UNC5C: variants seen among roughly 807,000 people sequenced by gnomAD.
The protein encoded by UNC5C is unc-5 netrin receptor C.
Under a neutral mutation model 99.8 loss-of-function variants are expected in UNC5C, and 47 were observed. That is an observed-to-expected ratio of 0.47 (90% CI 0.37 to 0.60). The LOEUF (loss-of-function observed/expected upper bound fraction) is 0.60, where lower values mean the gene tolerates loss of function less well. Among genes scored for constraint, UNC5C ranks in the 20% least tolerant of loss-of-function variants. UNC5C has a pLI of 0.00. For synonymous variants in UNC5C, 487 were observed against 452.2 expected (o/e 1.08, Z -0.98); for missense variants, 1,062 against 1,165.9 (o/e 0.91, Z 1.30).
intron 2 of UNC5C, among the ~76,000 whole-genome samples, chr4:95,334,738 T>C (rs1211066044): frequency 6.6e-6 from 1 of 151,958 alleles, no homozygotes; most frequent in Non-Finnish European, 1.5e-5. Context: ...GGATGGTATT[T>C]ACAGAGCAGC....
intron 1 of UNC5C, among the ~76,000 whole-genome samples, chr4:95,538,017 T>C (rs1192483444): frequency 2.0e-5 from 3 of 152,204 alleles, no homozygotes; most frequent in Non-Finnish European, 4.4e-5. Flanking sequence ...CTCCATATGA[T>C]TTTTCTCAAA....
intron 1 of UNC5C, among the ~76,000 whole-genome samples, chr4:95,367,487 CCTT>C (rs1445782665): frequency 6.6e-6 from 1 of 151,794 alleles, no homozygotes; most frequent in Non-Finnish European, 1.5e-5. Flanking sequence ...CTTTTCCTGT[CCTT>C]CTTAACACTA....
intron 1 of UNC5C, among the ~76,000 whole-genome samples, chr4:95,425,483 A>G (rs1260269692): frequency 4.6e-5 from 7 of 152,100 alleles, no homozygotes; most frequent in Non-Finnish European, 2.9e-5. Context: ...CACCACGCCC[A>G]GCTAATTTTT....
chr4:95,267,342 T>C (rs1178065091), intron 4 of UNC5C, among the ~76,000 whole-genome samples: 1 of 152,216 alleles, frequency 6.6e-6, no homozygotes, highest in East Asian at 1.9e-4. Flanking sequence ...ATATTTAATG[T>C]ATTTTCTGAG....
At chr4:95,398,345 G>A (rs548693383) in intron 1 of UNC5C, among the ~76,000 whole-genome samples, 1 of 152,168 alleles carries the variant, frequency 6.6e-6, no homozygotes, top group African/African-American at 2.4e-5. Flanking sequence ...TGACCCCAGT[G>A]CTCCCCAACT....
intron 1 of UNC5C, among the ~76,000 whole-genome samples, chr4:95,443,025 C>T (rs560946721): frequency 6.6e-6 from 1 of 151,742 alleles, no homozygotes; most frequent in South Asian, 2.1e-4. Context: ...TAAGCTAATT[C>T]CAAAAAAAGA....
intron 4 of UNC5C, among the ~76,000 whole-genome samples, chr4:95,252,371 A>C (rs1479903352): frequency 6.6e-6 from 1 of 152,120 alleles, no homozygotes; most frequent in Non-Finnish European, 1.5e-5. Flanking sequence ...CATCCCTTCT[A>C]CAATTTTTGT....
chr4:95,322,110 T>A (rs544028532), intron 2 of UNC5C, among the ~76,000 whole-genome samples: 3 of 152,334 alleles, frequency 2.0e-5, no homozygotes, highest in African/African-American at 4.8e-5. Flanking sequence ...TGGAATGAGG[T>A]TCAAGTAGAG....
chr4:95,522,012 T>G (rs1722373328), intron 1 of UNC5C, among the ~76,000 whole-genome samples: 1 of 152,078 alleles, frequency 6.6e-6, no homozygotes, highest in Non-Finnish European at 1.5e-5. Context: ...CTGAAAAAAA[T>G]ATGACCATAT....
In UNC5C at chr4:95,169,263, C is replaced by A; in HGVS notation, c.2767G>T (p.Val923Leu). Residue 923 changes from valine to leucine, a missense_variant, in exon 16 of 16, where the codon GTG becomes TTG. Coordinates refer to ENST00000453304, the MANE Select transcript of UNC5C (RefSeq NM_003728.4). ...LEEMGRHETV[V>L]SLAAEGQY ...TACTGCCCTTCTGCTGCTAAGGACA[C>A]CACCGTTTCATGTCTTCCCATTTCT... 1 of 1,614,162 alleles carries A rather than the reference C, an allele frequency of 6.2e-7. No individual in the cohort carries two copies. The highest frequency in any genetic ancestry group is 8.5e-7 in the Non-Finnish European group (1 of 1,180,034).
At chr4:95,275,942 T>A (rs1217403821) in intron 4 of UNC5C, among the ~76,000 whole-genome samples, 3 of 152,180 alleles carry the variant, frequency 2.0e-5, no homozygotes, top group Non-Finnish European at 2.9e-5. Flanking sequence ...ACAAAACACA[T>A]GAGTTTTACC....
At chr4:95,242,803 T>C (rs1739375637) in intron 6 of UNC5C, among the ~76,000 whole-genome samples, 1 of 152,232 alleles carries the variant, frequency 6.6e-6, no homozygotes, top group South Asian at 2.1e-4. Context: ...TGCTTTCTCA[T>C]TGACCAAGCC....
At chr4:95,291,505 C>A (rs751163939) in intron 3 of UNC5C, among the ~76,000 whole-genome samples, 2 of 152,088 alleles carry the variant, frequency 1.3e-5, no homozygotes, top group South Asian at 2.1e-4. Context: ...TAGATGATTT[C>A]CCCCAAAATA....
intron 4 of UNC5C, among the ~76,000 whole-genome samples, chr4:95,274,073 A>G (rs1004281362): frequency 7.2e-5 from 11 of 152,172 alleles, no homozygotes; most frequent in Admixed American, 3.3e-4. Flanking sequence ...TGAACAAAAA[A>G]CTTTTTGCTT....
At chr4:95,370,369 G>T (rs191035721) in intron 1 of UNC5C, among the ~76,000 whole-genome samples, 1 of 151,764 alleles carries the variant, frequency 6.6e-6, no homozygotes, top group African/African-American at 2.4e-5. Flanking sequence ...ATATTATATA[G>T]CATCATCTAG....
chr4:95,268,476 T>C (rs1740535657), intron 4 of UNC5C, among the ~76,000 whole-genome samples: 1 of 152,192 alleles, frequency 6.6e-6, no homozygotes, highest in Non-Finnish European at 1.5e-5. Context: ...AATGAGAGGT[T>C]CTCAGCTCCA....
intron 1 of UNC5C, among the ~76,000 whole-genome samples, chr4:95,506,544 T>C (rs946684506): frequency 6.6e-6 from 1 of 151,990 alleles, no homozygotes; most frequent in Non-Finnish European, 1.5e-5. Flanking sequence ...TAATAATATA[T>C]GACGTGTTAC....
chr4:95,518,720 A>T (rs1042351016), intron 1 of UNC5C, among the ~76,000 whole-genome samples: 2 of 152,222 alleles, frequency 1.3e-5, no homozygotes, highest in Non-Finnish European at 2.9e-5. Context: ...ATCAAACAAG[A>T]TCTACTTTGT....
intron 1 of UNC5C, among the ~76,000 whole-genome samples, chr4:95,404,092 A>C (rs745581675): frequency 5.9e-5 from 9 of 152,186 alleles, no homozygotes; most frequent in Non-Finnish European, 1.3e-4. Flanking sequence ...TTATATCACC[A>C]ATGGACAAAA....
Sources: gnomAD v4.1 joint callset for allele counts (sites outside exome capture counted in the v4.1 genomes callset) on GRCh38, gnomAD v4.1.1 for gene constraint, MANE v1.5 for transcripts, NCBI Gene and HGNC (gene_info 2026-07-23, HGNC 2026-07-21) for gene names.